Variants in OSTN observed in about 807,000 individuals in gnomAD.
OSTN encodes the protein osteocrin.
In OSTN, 9 loss-of-function variants were observed where a neutral mutation model predicts 12.0. The observed-to-expected ratio is 0.75, with a 90% CI of 0.45 to 1.30. OSTN has a LOEUF of 1.30. Among genes scored for constraint, OSTN ranks in the 50% most tolerant of loss-of-function variants. The pLI, the probability that OSTN is intolerant of heterozygous loss-of-function variation, is 0.00. For missense variants in OSTN, 148 were observed against 152.3 expected (o/e 0.97, Z 0.15); for synonymous variants, 59 against 56.9 (o/e 1.04, Z -0.16).
intron 3 of OSTN, among the ~76,000 whole-genome samples, chr3:191,240,724 A>G (rs1219233347): frequency 6.6e-6 from 1 of 152,214 alleles, no homozygotes; most frequent in African/African-American, 2.4e-5. Context: ...TGGCCCACTC[A>G]CTTGGCTGAA....
intron 3 of OSTN, among the ~76,000 whole-genome samples, chr3:191,224,881 TA>T (rs1047252382): frequency 6.1e-4 from 93 of 151,286 alleles, no homozygotes; most frequent in African/African-American, 1.8e-3. Context: ...ATGATAGTAA[TA>T]AAAAAATACA....
In OSTN at chr3:191,218,728, G is replaced by A. The variant is rs778109141; in HGVS notation, c.103-19G>A. 16 of 1,600,366 alleles carry A rather than the reference G, an allele frequency of 1.0e-5. No individual in the cohort carries two copies. The East Asian group carries it at 2.9e-4, about 29-fold the overall frequency. ...TCTCTTTGTCTAAATTAACGGAATC[G>A]CCTTTCTCTGCCTTATAGGCCTTTG... On this transcript the variant is annotated intron_variant, in intron 2 of 4. Transcript: ENST00000682035.
intron 3 of OSTN, 60 bp from the exon 4 acceptor site, chr3:191,249,977 A>G: frequency 7.6e-7 from 1 of 1,324,126 alleles, no homozygotes; most frequent in Non-Finnish European, 1.1e-6. Context: ...AATAAAGAAC[A>G]AAAATAATGA....
At chr3:191,222,958 G>T (rs908505122) in intron 3 of OSTN, among the ~76,000 whole-genome samples, 3 of 152,060 alleles carry the variant, frequency 2.0e-5, no homozygotes, top group African/African-American at 7.2e-5. Flanking sequence ...CTTCTACCAT[G>T]ATTGTAAGTT....
At position 191,212,568 on chromosome 3, in the gene OSTN, C is replaced by T. The variant is rs750647018; in HGVS notation, c.36C>T (p.Ile12=). The T allele has an allele frequency of 5.0e-6, 8 of 1,595,978 alleles. No homozygotes were observed. The highest frequency in any genetic ancestry group is 3.4e-6 in the Non-Finnish European group (4 of 1,168,520). The change falls in exon 2 of 5, where the codon ATC becomes ATT. Residue 12 remains isoleucine, a synonymous_variant. Coordinates refer to ENST00000682035, the MANE Select transcript of OSTN (RefSeq NM_198184.2). ...GGAGATTGGCAAGTGCACATTTCAT[C>T]CTGGCTGTGACACTGACACTGTGGA... ...LDWRLASAHF[I]LAVTLTLWSS...
At chr3:191,255,557 G>A (rs372282939) in intron 4 of OSTN, among the ~76,000 whole-genome samples, 54 of 152,098 alleles carry the variant, frequency 3.6e-4, no homozygotes, top group African/African-American at 1.2e-3. Flanking sequence ...ACATATTCTT[G>A]CTGAACTTAC....
intron 3 of OSTN, among the ~76,000 whole-genome samples, chr3:191,244,573 C>T (rs1204622282): frequency 6.8e-6 from 1 of 147,718 alleles, no homozygotes; most frequent in East Asian, 1.9e-4. Context: ...GAATGTAGCA[C>T]CATTATATAT....
At chr3:191,242,973 A>C (rs973739690) in intron 3 of OSTN, among the ~76,000 whole-genome samples, 1 of 152,114 alleles carries the variant, frequency 6.6e-6, no homozygotes, top group Non-Finnish European at 1.5e-5. Context: ...AAAAGAAAAA[A>C]AAAACATTAG....
rs1033480236 is a variant in OSTN, at chr3:191,222,603, G to T, written c.317+3642G>T. Among the ~76,000 whole-genome samples, 7 of 152,178 alleles carry T rather than the reference G, an allele frequency of 4.6e-5. No homozygotes were observed. The South Asian group carries it at 8.3e-4, about 18-fold the overall frequency. ...AATGAACTTTGGACTTGGACTTTTA[G>T]GTTAATGCTGGAATGAGTTAAGATT... is the stretch of plus-strand genomic sequence containing the variant. On this transcript the variant is annotated intron_variant, in intron 3 of 4. Transcript: ENST00000682035.
At chr3:191,256,817 C>T (rs1241325992) in intron 4 of OSTN, among the ~76,000 whole-genome samples, 2 of 152,022 alleles carry the variant, frequency 1.3e-5, no homozygotes, top group Admixed American at 6.5e-5. Flanking sequence ...TAACCTCTTA[C>T]AATTTTTAAA....
intron 1 of OSTN, among the ~76,000 whole-genome samples, chr3:191,210,956 T>C (rs1447040148): frequency 2.0e-5 from 3 of 152,226 alleles, no homozygotes; most frequent in Non-Finnish European, 4.4e-5. Context: ...GAGCTTCAGT[T>C]GGCTGGATAG....
chr3:191,262,159 A>C (rs1441162355), intron 4 of OSTN, among the ~76,000 whole-genome samples: 2 of 152,192 alleles, frequency 1.3e-5, no homozygotes, highest in Non-Finnish European at 2.9e-5. Context: ...CGGAGGCTGC[A>C]GTGAGCTGAG....
intron 4 of OSTN, among the ~76,000 whole-genome samples, chr3:191,260,331 A>AT (rs1408932309): frequency 9.6e-6 from 1 of 103,680 alleles, no homozygotes; most frequent in African/African-American, 3.3e-5. Context: ...CTTCCTGTAA[A>AT]GCCAGAATGT....
chr3:191,234,290 G>C (rs2108543089), intron 3 of OSTN, among the ~76,000 whole-genome samples: 1 of 152,252 alleles, frequency 6.6e-6, no homozygotes, highest in East Asian at 1.9e-4. Context: ...ACAAAACTCT[G>C]GGTACAGGTA....
At chr3:191,202,948 CA>C (rs1329777129) in intron 1 of OSTN, among the ~76,000 whole-genome samples, 4 of 152,062 alleles carry the variant, frequency 2.6e-5, no homozygotes, top group African/African-American at 7.2e-5. Context: ...GATTTAGGTA[CA>C]GATTAATGTA....
chr3:191,201,105 A>T (rs987393470), intron 1 of OSTN, among the ~76,000 whole-genome samples: 2 of 151,972 alleles, frequency 1.3e-5, no homozygotes, highest in African/African-American at 2.4e-5. Context: ...TTATTTATTT[A>T]TTTATTTTTT....
intron 4 of OSTN, among the ~76,000 whole-genome samples, chr3:191,260,332 G>C (rs1051855736): frequency 6.6e-6 from 1 of 151,520 alleles, no homozygotes; most frequent in African/African-American, 2.4e-5. Context: ...TTCCTGTAAA[G>C]CCAGAATGTA....
chr3:191,221,724 A>T (rs1444756313), intron 3 of OSTN, among the ~76,000 whole-genome samples: 1 of 152,162 alleles, frequency 6.6e-6, no homozygotes, highest in Admixed American at 6.5e-5. Context: ...GAAAAGAAAA[A>T]CCCATTTTCT....
In OSTN at chr3:191,208,577, T is replaced by A. The variant is rs982921143; in HGVS notation, c.1-3956T>A. On this transcript the variant is annotated intron_variant, in intron 1 of 4. Coordinates refer to ENST00000682035, the MANE Select transcript of OSTN (RefSeq NM_198184.2). ...ATGTGGTTATCTGTAAGATGATACA[T>A]CATGATTTTTTCCTATATACACCCA... Among the ~76,000 whole-genome samples the A allele has an allele frequency of 1.1e-4, 17 of 152,218 alleles. 1 individual carries two copies. Among genetic ancestry groups the A allele is most frequent in the Admixed American group, 9.8e-4 (15 of 15,284 alleles).
Sources: allele counts gnomAD v4.1 joint callset (sites outside exome capture counted in the v4.1 genomes callset), GRCh38; gene constraint gnomAD v4.1.1; transcripts MANE v1.5; gene names NCBI Gene and HGNC (gene_info 2026-07-23, HGNC 2026-07-21).